TRIM55: variants seen among roughly 807,000 people sequenced by gnomAD.
TRIM55 encodes tripartite motif-containing protein 55.
A neutral mutation model predicts 60.9 loss-of-function variants in TRIM55; 50 were observed. That is an observed-to-expected ratio of 0.82 (90% confidence interval 0.65 to 1.04). The LOEUF (loss-of-function observed/expected upper bound fraction) is 1.04. TRIM55 is among the 50% of genes least tolerant of loss of function. The pLI is 0.00. For synonymous variants in TRIM55, 237 were observed against 238.1 expected (o/e 1.00, Z 0.04); for missense variants, 681 against 666.9 (o/e 1.02, Z -0.23).
chr8:66,153,756 TA>T (rs942193806), intron 8 of TRIM55, among the ~76,000 whole-genome samples: 5 of 152,234 alleles, frequency 3.3e-5, no homozygotes, highest in Admixed American at 3.3e-4. Context: ...TGATATTTTA[TA>T]ACCAACATTC....
At chr8:66,116,606 C>CA in the TRIM55 span, among the ~76,000 whole-genome samples, 263 of 48,054 alleles carry the variant, frequency 5.5e-3, no homozygotes, top group East Asian at 0.037. Context: ...GACCCTGTCT[C>CA]AAAAAAAAAA....
At chr8:66,132,633 T>G (rs765596865) in intron 2 of TRIM55, among the ~76,000 whole-genome samples, 2 of 152,208 alleles carry the variant, frequency 1.3e-5, no homozygotes, top group South Asian at 4.1e-4. Flanking sequence ...CATTTAGCAC[T>G]GGGCCCTGAC....
upstream of TRIM55, among the ~76,000 whole-genome samples, chr8:66,126,038 G>A (rs992081898): frequency 4.6e-5 from 7 of 152,180 alleles, no homozygotes; most frequent in Non-Finnish European, 8.8e-5. Context: ...TGTCAGAATC[G>A]ATGTTTATGA....
chr8:66,168,044 C>T (rs1404855208), intron 9 of TRIM55, among the ~76,000 whole-genome samples: 1 of 152,188 alleles, frequency 6.6e-6, no homozygotes, highest in Non-Finnish European at 1.5e-5. Context: ...GCCATCATGC[C>T]TGGCCAAAAA....
At chr8:66,168,959 G>A (rs972442161) in intron 9 of TRIM55, among the ~76,000 whole-genome samples, 9 of 152,196 alleles carry the variant, frequency 5.9e-5, no homozygotes, top group African/African-American at 1.4e-4. Context: ...TGAGCCTTAA[G>A]GAATGGAACA....
At chr8:66,117,240 A>C in the TRIM55 span, among the ~76,000 whole-genome samples, 2 of 152,240 alleles carry the variant, frequency 1.3e-5, no homozygotes, top group Non-Finnish European at 2.9e-5. Context: ...GACCAAGGCA[A>C]GGGTGTCCAT....
intron 2 of TRIM55, among the ~76,000 whole-genome samples, chr8:66,134,348 C>T (rs763075583): frequency 2.0e-4 from 31 of 152,158 alleles, no homozygotes; most frequent in South Asian, 4.1e-4. Flanking sequence ...CCCACACTTG[C>T]GTCTCATACA....
the TRIM55 span, among the ~76,000 whole-genome samples, chr8:66,120,199 A>T: frequency 6.6e-6 from 1 of 152,336 alleles, no homozygotes; most frequent in African/African-American, 2.4e-5. Context: ...TTGTAGTGGT[A>T]TAATAGTAAA....
intron 9 of TRIM55, among the ~76,000 whole-genome samples, chr8:66,157,523 C>G (rs1294509504): frequency 1.3e-5 from 2 of 152,218 alleles, no homozygotes; most frequent in Non-Finnish European, 2.9e-5. Context: ...CATTTCATCA[C>G]TAGGCTTACC....
intron 4 of TRIM55, among the ~76,000 whole-genome samples, chr8:66,148,981 G>A (rs1055689057): frequency 1.3e-5 from 2 of 150,092 alleles, no homozygotes; most frequent in African/African-American, 2.5e-5. Flanking sequence ...CCTGGGAGGC[G>A]GAGGTTGCAA....
upstream of TRIM55, among the ~76,000 whole-genome samples, chr8:66,124,158 G>T (rs1808734301): frequency 6.6e-6 from 1 of 152,072 alleles, no homozygotes; most frequent in Admixed American, 6.5e-5. Flanking sequence ...CCACTGCCAT[G>T]ACCTGTGCCA....
chr8:66,116,017 C>T, the TRIM55 span, among the ~76,000 whole-genome samples: 1 of 152,100 alleles, frequency 6.6e-6, no homozygotes, highest in Non-Finnish European at 1.5e-5. Flanking sequence ...TAGCATCATA[C>T]AGCGAAGGCC....
chr8:66,154,375 C>G (rs1055815104), intron 9 of TRIM55, 41 bp downstream of exon 9: 1 of 1,596,844 alleles, frequency 6.3e-7, no homozygotes, highest in African/African-American at 1.3e-5. Flanking sequence ...TCCCGCGCCC[C>G]CTAGGGTCCC....
intron 9 of TRIM55, 62 bp downstream of exon 9, chr8:66,154,396 G>C: frequency 6.5e-7 from 1 of 1,536,608 alleles, no homozygotes; most frequent in Non-Finnish European, 8.8e-7. Context: ...ACTGGAACAG[G>C]CCACAGCAAG....
intron 9 of TRIM55, among the ~76,000 whole-genome samples, chr8:66,172,370 T>C (rs1023254357): frequency 6.6e-6 from 1 of 152,194 alleles, no homozygotes; most frequent in Non-Finnish European, 1.5e-5. Context: ...ACCAAGGAGA[T>C]GGTGCAATTA....
chr8:66,164,979 G>A (rs1055939685), intron 9 of TRIM55, among the ~76,000 whole-genome samples: 14 of 149,468 alleles, frequency 9.4e-5, no homozygotes, highest in African/African-American at 3.4e-4. Flanking sequence ...GGAAGGAGGG[G>A]ACTTATGGTT....
At chr8:66,125,192 G>A (rs73693911), upstream of TRIM55, among the ~76,000 whole-genome samples, 2,047 of 152,258 alleles carry the variant, frequency 0.013, 70 homozygotes, top group African/African-American at 0.046. Flanking sequence ...CTGCCTCCTG[G>A]CACGCGCCCT....
At chr8:66,123,236 T>C (rs117680937), upstream of TRIM55, among the ~76,000 whole-genome samples, 1,066 of 152,326 alleles carry the variant, frequency 7.0e-3, 7 homozygotes, top group Non-Finnish European at 9.6e-3. Flanking sequence ...CACTTTGAGC[T>C]GTCCCATCTT....
At chr8:66,114,088 C>G in the TRIM55 span, among the ~76,000 whole-genome samples, 4 of 134,076 alleles carry the variant, frequency 3.0e-5, 1 homozygote, top group African/African-American at 1.1e-4. Context: ...AGACACCCCC[C>G]CCCCCATTAT....
Sources: gnomAD v4.1 joint callset for allele counts (sites outside exome capture counted in the v4.1 genomes callset) on GRCh38, gnomAD v4.1.1 for gene constraint, MANE v1.5 for transcripts, NCBI Gene and HGNC (gene_info 2026-07-23, HGNC 2026-07-21) for gene names.